Variants in AFTPH observed in about 807,000 individuals in gnomAD.
AFTPH encodes aftiphilin protein.
AFTPH carries 7 observed loss-of-function variants against 72.5 expected under a neutral mutation model. The observed-to-expected ratio is 0.10, with a 90% CI of 0.05 to 0.18. The LOEUF is 0.18. Among genes scored for constraint, AFTPH ranks in the 10% least tolerant of loss-of-function variants. AFTPH has a pLI of 1.00. For synonymous variants in AFTPH, 337 were observed against 370.1 expected, an observed-to-expected ratio of 0.91 and a Z score of 1.03; for missense variants, 979 against 1,060.5, an observed-to-expected ratio of 0.92 and a Z score of 1.07.
intron 1 of AFTPH, among the ~76,000 whole-genome samples, chr2:64,543,452 C>G (rs1459766593): frequency 1.3e-5 from 2 of 152,138 alleles, no homozygotes; most frequent in Non-Finnish European, 2.9e-5. Flanking sequence ...TATGCCTTTC[C>G]TAAGGTCATA....
chr2:64,570,535 A>T (rs1020410990), intron 5 of AFTPH, among the ~76,000 whole-genome samples: 3 of 152,192 alleles, frequency 2.0e-5, no homozygotes, highest in African/African-American at 4.8e-5. Context: ...TGGTTTTTTT[A>T]AAATCTGTTT....
chr2:64,561,005 G>A (rs540730877), intron 2 of AFTPH, among the ~76,000 whole-genome samples: 4 of 152,340 alleles, frequency 2.6e-5, no homozygotes, highest in Admixed American at 2.6e-4. Context: ...CTTTGGGCTA[G>A]TTTCCATTCA....
At chr2:64,562,140 A>T (rs1028520900) in intron 2 of AFTPH, among the ~76,000 whole-genome samples, 2 of 152,138 alleles carry the variant, frequency 1.3e-5, no homozygotes, top group African/African-American at 2.4e-5. Flanking sequence ...AGTTTCTTTT[A>T]GAAGATTCAT....
chr2:64,560,393 A>G (rs1010177934), intron 2 of AFTPH, among the ~76,000 whole-genome samples: 1 of 152,156 alleles, frequency 6.6e-6, no homozygotes, highest in African/African-American at 2.4e-5. Flanking sequence ...AAATAATAAT[A>G]ATTATAAAGA....
At chr2:64,557,171 G>T (rs1001122604) in intron 2 of AFTPH, among the ~76,000 whole-genome samples, 19 of 152,052 alleles carry the variant, frequency 1.2e-4, no homozygotes, top group Middle Eastern at 3.4e-3. Flanking sequence ...AAAATGCCTT[G>T]TTTGATAGCT....
intron 2 of AFTPH, among the ~76,000 whole-genome samples, chr2:64,566,629 T>C (rs1376558758): frequency 1.3e-5 from 2 of 152,176 alleles, no homozygotes; most frequent in African/African-American, 4.8e-5. Context: ...TAAATTGGGC[T>C]AAGTTGGAAA....
At chr2:64,579,425 G>T in intron 6 of AFTPH, 61 bp from the exon 7 acceptor site, 5 of 1,343,442 alleles carry the variant, frequency 3.7e-6, no homozygotes, top group South Asian at 1.4e-5. Context: ...TTTTTTTAAG[G>T]ATTCTTTACG....
exon 2 of AFTPH, chr2:64,552,690 T>C: frequency 6.2e-7 from 1 of 1,614,140 alleles, no homozygotes; most frequent in Non-Finnish European, 8.5e-7. Context: ...AGAAAATGAT[T>C]TGGATGATTC....
intron 7 of AFTPH, among the ~76,000 whole-genome samples, chr2:64,583,240 G>GACTT (rs1287845717): frequency 6.6e-6 from 1 of 150,528 alleles, no homozygotes; most frequent in East Asian, 1.9e-4. Context: ...TTGTGTGTGA[G>GACTT]ACTTAGGAGG....
chr2:64,567,775 T>C (rs975362598), intron 3 of AFTPH, 62 bp downstream of exon 3: 18 of 1,544,056 alleles, frequency 1.2e-5, no homozygotes, highest in Non-Finnish European at 1.6e-5. Flanking sequence ...TTCTAATTTA[T>C]AAGTTTATCT....
intron 1 of AFTPH, among the ~76,000 whole-genome samples, chr2:64,526,312 A>G (rs947675428): frequency 5.3e-5 from 8 of 152,170 alleles, no homozygotes; most frequent in African/African-American, 1.9e-4. Context: ...TGAGTACCAA[A>G]TAATGTTTTA....
In AFTPH at chr2:64,592,090, C is replaced by T. The variant is rs546097155; in HGVS notation, c.*55C>T. ...TTTCCTTTTTTCCATCCCTTCCCTA[C>T]CATCAAAAGCATACCTGCTCTAATT... On this transcript the variant is annotated 3_prime_UTR_variant, in exon 9 of 9. Coordinates refer to ENST00000238856, the Ensembl canonical transcript of AFTPH. The T allele has an allele frequency of 4.7e-5, 69 of 1,482,730 alleles. No homozygotes were observed. The Middle Eastern group carries it at 5.3e-4, about 11-fold the overall frequency. The allele number at this position is 1,482,730 out of a possible 1,614,324, so 91.8% of individuals were successfully genotyped here. A position where few individuals can be genotyped will look rare whatever the true frequency, so the allele number is the denominator to read the frequency against.
At chr2:64,553,464 T>C in intron 2 of AFTPH, 55 bp downstream of exon 2, 1 of 1,487,804 alleles carries the variant, frequency 6.7e-7, no homozygotes, top group South Asian at 1.4e-5. Context: ...TGGAGGCTTC[T>C]AATTTCAGCT....
intron 5 of AFTPH, 71 bp downstream of exon 5, chr2:64,569,750 ACTT>A: frequency 7.2e-7 from 1 of 1,390,006 alleles, no homozygotes; most frequent in Non-Finnish European, 1.0e-6. Flanking sequence ...CTTAAAATAC[ACTT>A]CTATGTCATG....
At chr2:64,587,927 G>A (rs755511254) in intron 8 of AFTPH, among the ~76,000 whole-genome samples, 3 of 151,862 alleles carry the variant, frequency 2.0e-5, no homozygotes, top group African/African-American at 4.9e-5. Context: ...GTTTATGCAG[G>A]TCAAAGAAAT....
At chr2:64,530,955 G>A (rs1669592818) in intron 1 of AFTPH, among the ~76,000 whole-genome samples, 4 of 151,334 alleles carry the variant, frequency 2.6e-5, no homozygotes, top group Non-Finnish European at 4.4e-5. Context: ...CCAGCTACTC[G>A]GGAGGCTGAG....
intron 6 of AFTPH, among the ~76,000 whole-genome samples, chr2:64,574,212 C>G (rs1411776212): frequency 6.6e-6 from 1 of 152,174 alleles, no homozygotes; most frequent in African/African-American, 2.4e-5. Flanking sequence ...TTTGTCATTT[C>G]TTAACCTTAG....
intron 2 of AFTPH, among the ~76,000 whole-genome samples, chr2:64,565,365 C>G (rs1034893599): frequency 2.0e-5 from 3 of 150,598 alleles, no homozygotes; most frequent in Admixed American, 6.6e-5. Flanking sequence ...GTCCCAGCTA[C>G]TCGGGAGGCT....
chr2:64,586,414 T>G (rs1305581628), intron 8 of AFTPH, among the ~76,000 whole-genome samples: 1 of 152,216 alleles, frequency 6.6e-6, no homozygotes, highest in Non-Finnish European at 1.5e-5. Context: ...CATGTTAAAT[T>G]CAGGTTTATA....
Sources: gnomAD v4.1 joint callset for allele counts (sites outside exome capture counted in the v4.1 genomes callset) on GRCh38, gnomAD v4.1.1 for gene constraint, MANE v1.5 for transcripts, NCBI Gene and HGNC (gene_info 2026-07-23, HGNC 2026-07-21) for gene names.